The following PLA2G4A variants were observed in gnomAD, a reference collection of about 807,000 sequenced individuals.
PLA2G4A encodes the protein phospholipase A2 group IVA.
PLA2G4A carries 40 observed loss-of-function variants against 81.9 expected under a neutral mutation model. The ratio of observed to expected loss-of-function variants is 0.49; its 90% CI spans 0.38 to 0.64. The LOEUF (loss-of-function observed/expected upper bound fraction) is 0.64, where lower values mean the gene tolerates loss of function less well. Ranked by LOEUF, PLA2G4A falls within the 30% of genes least tolerant of loss-of-function variation. The pLI is 0.00. For synonymous variants in PLA2G4A, 302 were observed against 296.9 expected (o/e 1.02, Z -0.18); for missense variants, 715 against 905.1 (o/e 0.79, Z 2.69).
intron 1 of PLA2G4A, among the ~76,000 whole-genome samples, chr1:186,841,374 TTA>T (rs1196642248): frequency 6.6e-6 from 1 of 152,140 alleles, no homozygotes; most frequent in African/African-American, 2.4e-5. Context: ...CAAACTAAAA[TTA>T]TATATATGTT....
chr1:186,881,141 T>C (rs1257920258), intron 3 of PLA2G4A, among the ~76,000 whole-genome samples: 2 of 152,092 alleles, frequency 1.3e-5, no homozygotes, highest in African/African-American at 2.4e-5. Context: ...ATTTGACTGA[T>C]GGCACTTTCT....
chr1:186,935,440 A>G (rs1655911818), intron 8 of PLA2G4A, among the ~76,000 whole-genome samples: 1 of 150,808 alleles, frequency 6.6e-6, no homozygotes, highest in South Asian at 2.1e-4. Flanking sequence ...AAGAGAGTTG[A>G]GCATTTTCTA....
intron 3 of PLA2G4A, among the ~76,000 whole-genome samples, chr1:186,879,906 T>C (rs1188454159): frequency 7.9e-5 from 12 of 151,932 alleles, no homozygotes; most frequent in Non-Finnish European, 1.5e-5. Flanking sequence ...TTGTTACATA[T>C]GTATACATGT....
chr1:186,886,908 A>C (rs1158251741), intron 3 of PLA2G4A, among the ~76,000 whole-genome samples: 2 of 152,210 alleles, frequency 1.3e-5, no homozygotes, highest in Non-Finnish European at 2.9e-5. Flanking sequence ...GTTCCTCGTA[A>C]TATTATACCT....
intron 2 of PLA2G4A, 149 bp downstream of exon 2, chr1:186,854,536 A>T (rs1246892693): frequency 1.8e-6 from 1 of 566,044 alleles, no homozygotes; most frequent in Non-Finnish European, 3.2e-6. Context: ...CAAAGAGGCT[A>T]TGGAACATAA....
chr1:186,985,590 A>C (rs958233905), intron 17 of PLA2G4A, among the ~76,000 whole-genome samples: 2 of 152,052 alleles, frequency 1.3e-5, no homozygotes, highest in African/African-American at 2.4e-5. Flanking sequence ...ATTGCTTATA[A>C]TCTCACCTCT....
In PLA2G4A at chr1:186,906,936, C is replaced by T. The variant is rs560983833; in HGVS notation, c.379-29C>T. 7.2e-6 allele frequency: 9 copies of T among 1,255,880 alleles called. No homozygotes were observed. In the South Asian group the frequency reaches 9.6e-5, roughly 13 times the overall value. The allele number at this position is 1,255,880 out of a possible 1,614,324, so 77.8% of individuals were successfully genotyped here. On this transcript the variant is annotated intron_variant, in intron 5 of 17. Transcript: ENST00000367466. Reference sequence around the variant, plus strand: ...ATATAAACACATATCTACTTTATGACCTAATCTGATTAACATGTCTTTTTT... The same window carrying T: ...ATATAAACACATATCTACTTTATGATCTAATCTGATTAACATGTCTTTTTT...
At position 186,893,140 on chromosome 1, in the gene PLA2G4A, A is replaced by G. The variant is rs1374049333; in HGVS notation, c.245A>G (p.Asn82Ser). ...NETFEFILDP[N>S]QENVLEITLM... is the part of the protein sequence containing the mutation. Reference sequence around the variant, plus strand: ...ACCTTTGAATTTATTTTGGATCCTAATCAGGAAAATGTTTTGGAGGTAAGT... The same window carrying G: ...ACCTTTGAATTTATTTTGGATCCTAGTCAGGAAAATGTTTTGGAGGTAAGT... Residue 82 changes from asparagine to serine, a missense_variant, in exon 4 of 18, where the codon AAT (asparagine) becomes AGT (serine). Coordinates refer to ENST00000367466, the MANE Select transcript of PLA2G4A (RefSeq NM_024420.3). 6.2e-7 allele frequency: 1 copy of G among 1,612,746 alleles called. No individual in the cohort carries two copies. Among genetic ancestry groups the G allele is most frequent in the Admixed American group, 1.7e-5 (1 of 60,032 alleles).
At position 186,858,951 on chromosome 1, in the gene PLA2G4A, A is replaced by T. The variant is rs141332834; in HGVS notation, c.33+4564A>T. The stretch of plus-strand genomic sequence containing the variant: ...TGTGTGTGTGTGTGTAAATTGTTTT[A>T]AAAAAAATTTCCTGCTCTGATTTTC... On this transcript the variant is annotated intron_variant, in intron 2 of 17. Transcript: ENST00000367466. Among the ~76,000 whole-genome samples, 54 of 151,892 alleles carry T rather than the reference A, an allele frequency of 3.6e-4. 1 individual carries two copies. The East Asian group carries it at 7.7e-3, about 22-fold the overall frequency.
intron 7 of PLA2G4A, among the ~76,000 whole-genome samples, chr1:186,919,833 C>T (rs147626033): frequency 0.029 from 4,471 of 152,262 alleles, 95 homozygotes; most frequent in Non-Finnish European, 0.044. Flanking sequence ...GTTGACCAAG[C>T]GCAAGTCCTG....
intron 3 of PLA2G4A, 79 bp from the exon 4 acceptor site, chr1:186,892,932 G>T: frequency 1.0e-6 from 1 of 987,152 alleles, no homozygotes; most frequent in South Asian, 1.3e-5. Context: ...AGAATAAACT[G>T]ACAACATATA....
intron 7 of PLA2G4A, among the ~76,000 whole-genome samples, chr1:186,928,474 C>T (rs1394630421): frequency 6.6e-6 from 1 of 152,170 alleles, no homozygotes; most frequent in Non-Finnish European, 1.5e-5. Context: ...AATTCTCCAG[C>T]AGACTTCCCT....
chr1:186,921,762 C>T lies in PLA2G4A; in HGVS notation c.558+10373C>T, dbSNP rs575681636. On this transcript the variant is annotated intron_variant, in intron 7 of 17. Coordinates refer to ENST00000367466, the MANE Select transcript of PLA2G4A (RefSeq NM_024420.3). ...TTGGGTCGGACAGGACTTTTGGTCC[C>T]GACTTCCCTCGGTGGGTGGAGGGAG... 4.6e-5 allele frequency among the ~76,000 whole-genome samples: 7 copies of T among 152,144 alleles called. No homozygotes were observed. In the East Asian group the frequency reaches 9.7e-4, roughly 21 times the overall value.
At chr1:186,865,427 C>T (rs1443663443) in intron 2 of PLA2G4A, among the ~76,000 whole-genome samples, 2 of 152,016 alleles carry the variant, frequency 1.3e-5, no homozygotes, top group African/African-American at 2.4e-5. Flanking sequence ...TAGAATGAAA[C>T]TCCACACCTG....
chr1:186,890,006 C>T (rs1323428157), intron 3 of PLA2G4A, among the ~76,000 whole-genome samples: 1 of 152,200 alleles, frequency 6.6e-6, no homozygotes, highest in Non-Finnish European at 1.5e-5. Flanking sequence ...CTTAATATTT[C>T]TCAGTTCCTG....
At chr1:186,944,340 T>C (rs1014606933) in intron 10 of PLA2G4A, among the ~76,000 whole-genome samples, 19 of 152,002 alleles carry the variant, frequency 1.2e-4, no homozygotes, top group Admixed American at 9.2e-4. Flanking sequence ...CATTTTAGCT[T>C]TTGAGAATGC....
intron 3 of PLA2G4A, chr1:186,870,820 A>G (rs1479005499): frequency 1.1e-6 from 1 of 897,800 alleles, no homozygotes; most frequent in Non-Finnish European, 1.7e-6. Flanking sequence ...GTTCCTTGAC[A>G]AATCAGAGGT....
intron 15 of PLA2G4A, among the ~76,000 whole-genome samples, chr1:186,967,788 C>G (rs1403469969): frequency 6.6e-6 from 1 of 151,886 alleles, no homozygotes; most frequent in Non-Finnish European, 1.5e-5. Flanking sequence ...TATTCAGCTC[C>G]CTTAGAAAGG....
intron 1 of PLA2G4A, among the ~76,000 whole-genome samples, chr1:186,849,247 G>A (rs999782512): frequency 6.6e-6 from 1 of 151,872 alleles, no homozygotes; most frequent in East Asian, 1.9e-4. Flanking sequence ...CATTGTATTC[G>A]GCACTAGGGA....
Sources: allele counts gnomAD v4.1 joint callset (sites outside exome capture counted in the v4.1 genomes callset), GRCh38; gene constraint gnomAD v4.1.1; transcripts MANE v1.5; gene names NCBI Gene and HGNC (gene_info 2026-07-23, HGNC 2026-07-21).